The following ZDHHC14 variants were observed in gnomAD, a reference collection of about 807,000 sequenced individuals.
The protein encoded by ZDHHC14 is palmitoyltransferase ZDHHC14.
A neutral mutation model predicts 47.7 loss-of-function variants in ZDHHC14; 16 were observed. The observed-to-expected ratio is 0.34, with a 90% CI of 0.23 to 0.51. The LOEUF (loss-of-function observed/expected upper bound fraction) is 0.51, where lower values mean the gene tolerates loss of function less well. Ranked by LOEUF, ZDHHC14 falls within the 20% of genes least tolerant of loss-of-function variation. The probability of loss-of-function intolerance (pLI) is 0.97; values close to 1 mark genes in which losing one functional copy is unlikely to be tolerated. For missense variants in ZDHHC14, 515 were observed against 662.5 expected, an observed-to-expected ratio of 0.78 and a Z score of 2.44; for synonymous variants, 293 against 278.9, an observed-to-expected ratio of 1.05 and a Z score of -0.50.
intron 1 of ZDHHC14, among the ~76,000 whole-genome samples, chr6:157,451,411 G>C (rs1014985396): frequency 6.6e-6 from 1 of 152,218 alleles, no homozygotes; most frequent in African/African-American, 2.4e-5. Flanking sequence ...CAAAAGGGCA[G>C]TGTATCCCCA....
At chr6:157,616,795 A>G (rs910136539) in intron 3 of ZDHHC14, among the ~76,000 whole-genome samples, 2 of 152,166 alleles carry the variant, frequency 1.3e-5, no homozygotes, top group African/African-American at 4.8e-5. Context: ...CTGGGTGTCA[A>G]ACGCCCCTTC....
At chr6:157,569,748 ATTG>A in intron 2 of ZDHHC14, among the ~76,000 whole-genome samples, 1 of 152,076 alleles carries the variant, frequency 6.6e-6, no homozygotes, top group South Asian at 2.1e-4. Context: ...AAGTCTCTAT[ATTG>A]TTGTATTGTT....
chr6:157,644,869 T>C (rs924726649), intron 5 of ZDHHC14, among the ~76,000 whole-genome samples: 1 of 152,222 alleles, frequency 6.6e-6, no homozygotes, highest in African/African-American at 2.4e-5. Flanking sequence ...TTATAAACAT[T>C]TGTGGGACAG....
chr6:157,562,019 G>C (rs1417171474), intron 2 of ZDHHC14, among the ~76,000 whole-genome samples: 2 of 152,122 alleles, frequency 1.3e-5, no homozygotes, highest in African/African-American at 4.8e-5. Context: ...AGAAACCTGG[G>C]TGTTTATAAC....
chr6:157,426,514 G>A (rs1404879222), intron 1 of ZDHHC14, among the ~76,000 whole-genome samples: 1 of 152,148 alleles, frequency 6.6e-6, no homozygotes, highest in Non-Finnish European at 1.5e-5. Context: ...GAGTTTGAGG[G>A]GCCTACGGGG....
At chr6:157,429,682 T>G (rs1472424010) in intron 1 of ZDHHC14, among the ~76,000 whole-genome samples, 1 of 152,018 alleles carries the variant, frequency 6.6e-6, no homozygotes, top group East Asian at 1.9e-4. Flanking sequence ...GGAGATCCGA[T>G]TTTACAGACT....
intron 1 of ZDHHC14, among the ~76,000 whole-genome samples, chr6:157,504,233 A>C (rs1319644488): frequency 2.0e-5 from 3 of 151,900 alleles, no homozygotes; most frequent in Non-Finnish European, 4.4e-5. Flanking sequence ...TTTGAGATGG[A>C]GTCTCGCTGT....
chr6:157,551,573 C>T (rs914956050), intron 2 of ZDHHC14, among the ~76,000 whole-genome samples: 1 of 152,210 alleles, frequency 6.6e-6, no homozygotes, highest in Non-Finnish European at 1.5e-5. Flanking sequence ...GGCCCTGACT[C>T]ACCTGGTAAA....
intron 1 of ZDHHC14, among the ~76,000 whole-genome samples, chr6:157,429,354 T>C (rs1239272244): frequency 6.6e-6 from 1 of 152,226 alleles, no homozygotes. Flanking sequence ...AAACTTTTGT[T>C]TCAGTTTAGT....
intron 3 of ZDHHC14, among the ~76,000 whole-genome samples, chr6:157,627,484 A>G (rs572110323): frequency 7.9e-5 from 12 of 152,326 alleles, no homozygotes; most frequent in African/African-American, 2.9e-4. Context: ...CTTTGCCATT[A>G]CTTGCAAGGG....
intron 1 of ZDHHC14, among the ~76,000 whole-genome samples, chr6:157,475,568 C>T (rs1380647813): frequency 6.6e-6 from 1 of 151,892 alleles, no homozygotes; most frequent in Non-Finnish European, 1.5e-5. Context: ...GCATACAGAC[C>T]CTTCACCTCT....
chr6:157,670,450 T>A (rs1243963651), intron 8 of ZDHHC14, among the ~76,000 whole-genome samples: 1 of 152,178 alleles, frequency 6.6e-6, no homozygotes, highest in Admixed American at 6.5e-5. Context: ...TGTGCCACCA[T>A]GCCCAGCTAA....
chr6:157,488,333 G>A (rs888145162), intron 1 of ZDHHC14, among the ~76,000 whole-genome samples: 3 of 152,180 alleles, frequency 2.0e-5, no homozygotes, highest in Non-Finnish European at 2.9e-5. Flanking sequence ...GTTTCTCCCC[G>A]ACTTGAACTC....
intron 1 of ZDHHC14, among the ~76,000 whole-genome samples, chr6:157,506,010 G>A (rs534599624): frequency 3.3e-5 from 5 of 152,080 alleles, no homozygotes; most frequent in African/African-American, 4.8e-5. Context: ...CCTGTGCTTG[G>A]TAACTTGCAC....
chr6:157,536,412 G>A (rs1452677298), intron 1 of ZDHHC14, among the ~76,000 whole-genome samples: 2 of 152,140 alleles, frequency 1.3e-5, no homozygotes. Flanking sequence ...CATTAAAAGA[G>A]GACTCAAATT....
At chr6:157,575,713 C>T (rs1182493091) in intron 2 of ZDHHC14, among the ~76,000 whole-genome samples, 1 of 152,218 alleles carries the variant, frequency 6.6e-6, no homozygotes, top group African/African-American at 2.4e-5. Flanking sequence ...GGTGGATTCT[C>T]CTGCTCTCTA....
chr6:157,547,438 C>A (rs532044063), intron 2 of ZDHHC14, among the ~76,000 whole-genome samples: 1 of 152,058 alleles, frequency 6.6e-6, no homozygotes, highest in South Asian at 2.1e-4. Flanking sequence ...CAGTTCCACC[C>A]CATCCTAGAC....
chr6:157,503,061 A>G (rs1780225564), intron 1 of ZDHHC14, among the ~76,000 whole-genome samples: 1 of 152,218 alleles, frequency 6.6e-6, no homozygotes, highest in Non-Finnish European at 1.5e-5. Context: ...CCAGGTTCAA[A>G]TTGCCTAAAG....
At chr6:157,423,013 G>A (rs1384831031) in intron 1 of ZDHHC14, among the ~76,000 whole-genome samples, 2 of 152,080 alleles carry the variant, frequency 1.3e-5, no homozygotes, top group Non-Finnish European at 2.9e-5. Flanking sequence ...CTTTTCAGTC[G>A]ATAAGGAAAA....
Sources: allele counts gnomAD v4.1 joint callset (sites outside exome capture counted in the v4.1 genomes callset), GRCh38; gene constraint gnomAD v4.1.1; transcripts MANE v1.5; gene names NCBI Gene and HGNC (gene_info 2026-07-23, HGNC 2026-07-21).